The following SEMA6D variants were observed in gnomAD, a reference collection of about 807,000 sequenced individuals.
SEMA6D encodes semaphorin-6D.
A neutral mutation model predicts 106.6 loss-of-function variants in SEMA6D; 35 were observed. That is an observed-to-expected ratio of 0.33 (90% CI 0.25 to 0.44). The LOEUF is 0.44. Ranked by LOEUF, SEMA6D falls within the 20% of genes least tolerant of loss-of-function variation. The probability of loss-of-function intolerance (pLI) is 1.00; values close to 1 mark genes in which losing one functional copy is unlikely to be tolerated. For synonymous variants in SEMA6D, 499 were observed against 487.7 expected, an observed-to-expected ratio of 1.02 and a Z score of -0.31; for missense variants, 1,185 against 1,345.9, an observed-to-expected ratio of 0.88 and a Z score of 1.87.
chr15:47,701,544 T>G (rs982458555), intron 4 of SEMA6D, among the ~76,000 whole-genome samples: 1 of 152,208 alleles, frequency 6.6e-6, no homozygotes, highest in Non-Finnish European at 1.5e-5. Flanking sequence ...GGTAATTACA[T>G]GAGATAACCC....
chr15:47,675,957 A>AG (rs1234691073), intron 4 of SEMA6D, among the ~76,000 whole-genome samples: 1 of 52,780 alleles, frequency 1.9e-5, no homozygotes, highest in African/African-American at 7.2e-5. Flanking sequence ...GGGAGGGGGG[A>AG]GGGGGGAGAA....
chr15:47,675,140 A>G (rs1353214776), intron 4 of SEMA6D, among the ~76,000 whole-genome samples: 1 of 152,232 alleles, frequency 6.6e-6, no homozygotes, highest in Non-Finnish European at 1.5e-5. Flanking sequence ...TATCAACACT[A>G]TTATTTTCTA....
chr15:47,285,254 GTCTC>G (rs2035308476), intron 1 of SEMA6D, among the ~76,000 whole-genome samples: 1 of 151,130 alleles, frequency 6.6e-6, no homozygotes, highest in African/African-American at 2.4e-5. Context: ...CTCTCTCTCT[GTCTC>G]TCTGTCTTTC....
intron 1 of SEMA6D, among the ~76,000 whole-genome samples, chr15:47,375,078 G>A (rs539449111): frequency 1.2e-4 from 19 of 152,146 alleles, no homozygotes; most frequent in African/African-American, 3.4e-4. Flanking sequence ...TATTTTGTTC[G>A]TATTGCTCCT....
At chr15:47,533,908 A>G (rs993630540) in intron 3 of SEMA6D, among the ~76,000 whole-genome samples, 1 of 152,208 alleles carries the variant, frequency 6.6e-6, no homozygotes, top group African/African-American at 2.4e-5. Context: ...TCAAAATGGC[A>G]GAATTGTGTC....
upstream of SEMA6D, among the ~76,000 whole-genome samples, chr15:47,714,005 C>A (rs2079066296): frequency 6.6e-6 from 1 of 152,190 alleles, no homozygotes; most frequent in Non-Finnish European, 1.5e-5. Context: ...AGATGCTAAA[C>A]ACTTTACATG....
intron 3 of SEMA6D, among the ~76,000 whole-genome samples, chr15:47,483,430 C>T (rs1380002278): frequency 6.6e-6 from 1 of 152,066 alleles, no homozygotes; most frequent in African/African-American, 2.4e-5. Flanking sequence ...CTCCATGTTT[C>T]TTTCATGGAT....
intron 1 of SEMA6D, among the ~76,000 whole-genome samples, chr15:47,260,666 C>T (rs2034030293): frequency 6.6e-6 from 1 of 152,144 alleles, no homozygotes; most frequent in African/African-American, 2.4e-5. Context: ...GCAAAAGAGG[C>T]TACCATGCTG....
At chr15:47,526,204 C>T (rs1164464770) in intron 3 of SEMA6D, among the ~76,000 whole-genome samples, 1 of 152,184 alleles carries the variant, frequency 6.6e-6, no homozygotes, top group Non-Finnish European at 1.5e-5. Context: ...TGCTCTCAAC[C>T]AGCTGTCCCA....
intron 4 of SEMA6D, among the ~76,000 whole-genome samples, chr15:47,616,580 G>GAAA (rs55761524): frequency 7.0e-5 from 10 of 142,484 alleles, no homozygotes; most frequent in Admixed American, 1.4e-4. Context: ...CTCCAAAGAG[G>GAAA]AAAAAAAAAA....
chr15:47,568,190 A>AT (rs1222056416), intron 3 of SEMA6D, among the ~76,000 whole-genome samples: 2 of 22,800 alleles, frequency 8.8e-5, no homozygotes, highest in Non-Finnish European at 1.9e-4. Context: ...TGATTTTGCC[A>AT]TTTAAAAAAA....
intron 1 of SEMA6D, among the ~76,000 whole-genome samples, chr15:47,192,742 A>G (rs1894052007): frequency 6.6e-6 from 1 of 152,350 alleles, no homozygotes; most frequent in African/African-American, 2.4e-5. Context: ...AGATATTGAA[A>G]TGGAAATTGT....
At chr15:47,297,891 G>T (rs1050440022) in intron 1 of SEMA6D, among the ~76,000 whole-genome samples, 2 of 152,100 alleles carry the variant, frequency 1.3e-5, no homozygotes, top group African/African-American at 4.8e-5. Flanking sequence ...AGAAAAGAAG[G>T]AGGTTGGCAT....
chr15:47,428,994 G>C (rs2041437356), intron 2 of SEMA6D, among the ~76,000 whole-genome samples: 1 of 151,754 alleles, frequency 6.6e-6, no homozygotes, highest in Admixed American at 6.6e-5. Flanking sequence ...AAAGAAGAAA[G>C]GGAGGGAGGG....
chr15:47,445,888 G>A (rs967172076), intron 2 of SEMA6D, among the ~76,000 whole-genome samples: 2 of 152,004 alleles, frequency 1.3e-5, no homozygotes, highest in African/African-American at 4.8e-5. Context: ...AGCTCACCTC[G>A]GACGCAGTTA....
chr15:47,271,617 T>C (rs536488316), intron 1 of SEMA6D, among the ~76,000 whole-genome samples: 2 of 152,316 alleles, frequency 1.3e-5, no homozygotes, highest in Non-Finnish European at 2.9e-5. Flanking sequence ...ACAACTCTTG[T>C]TGGTGCTCTT....
intron 4 of SEMA6D, among the ~76,000 whole-genome samples, chr15:47,674,979 G>A (rs75392107): frequency 5.9e-5 from 9 of 152,158 alleles, no homozygotes; most frequent in South Asian, 2.1e-4. Flanking sequence ...AAGTGAAAAC[G>A]AATGGTGAGC....
At chr15:47,666,994 A>G (rs2078039231) in intron 4 of SEMA6D, among the ~76,000 whole-genome samples, 2 of 152,106 alleles carry the variant, frequency 1.3e-5, no homozygotes, top group Admixed American at 6.5e-5. Context: ...TGGACTCAGC[A>G]TTGGAGTCAC....
chr15:47,515,098 T>A (rs2044347810), intron 3 of SEMA6D, among the ~76,000 whole-genome samples: 1 of 152,244 alleles, frequency 6.6e-6, no homozygotes, highest in Non-Finnish European at 1.5e-5. Flanking sequence ...ATGATTGGCA[T>A]GCTCTTGACT....
Sources: allele counts gnomAD v4.1 joint callset (sites outside exome capture counted in the v4.1 genomes callset), GRCh38; gene constraint gnomAD v4.1.1; transcripts MANE v1.5; gene names NCBI Gene and HGNC (gene_info 2026-07-23, HGNC 2026-07-21).